NXPE2: variants seen among roughly 807,000 people sequenced by gnomAD.
The protein encoded by NXPE2 is NXPE family member 2.
In NXPE2, 34 loss-of-function variants were observed where a neutral mutation model predicts 34.4. The observed-to-expected ratio is 0.99, with a 90% confidence interval of 0.75 to 1.31. The LOEUF (loss-of-function observed/expected upper bound fraction) is 1.31, where lower values mean the gene tolerates loss of function less well. Ranked by LOEUF, NXPE2 falls within the 40% of genes most tolerant of loss-of-function variation. NXPE2 has a pLI of 0.00. For missense variants in NXPE2, 649 were observed against 672.5 expected (o/e 0.97, Z 0.39); for synonymous variants, 235 against 231.3 (o/e 1.02, Z -0.15).
At chr11:114,564,984 G>A in the NXPE2 span, among the ~76,000 whole-genome samples, 1 of 152,116 alleles carries the variant, frequency 6.6e-6, no homozygotes, top group Non-Finnish European at 1.5e-5. Context: ...ATTTTTCCAA[G>A]CATGCCAAGC....
At chr11:114,565,344 C>T in the NXPE2 span, among the ~76,000 whole-genome samples, 8 of 152,178 alleles carry the variant, frequency 5.3e-5, no homozygotes, top group African/African-American at 1.9e-4. Flanking sequence ...GTGGCTGTTA[C>T]ATTCCACTTA....
At chr11:114,617,530 G>C in the NXPE2 span, among the ~76,000 whole-genome samples, 2 of 151,750 alleles carry the variant, frequency 1.3e-5, no homozygotes, top group African/African-American at 4.8e-5. Flanking sequence ...GTGTTGCCTC[G>C]TGGCTAACCA....
the NXPE2 span, among the ~76,000 whole-genome samples, chr11:114,640,051 A>G: frequency 2.5e-5 from 3 of 118,680 alleles, no homozygotes; most frequent in Admixed American, 2.0e-4. Context: ...ATTTTATAAT[A>G]TATAATTTAT....
chr11:114,571,167 A>G, the NXPE2 span: 84 of 1,613,912 alleles, frequency 5.2e-5, no homozygotes, highest in Non-Finnish European at 6.4e-5. Context: ...GATGATAACC[A>G]TAGTGTCTGG....
At chr11:114,661,834 G>C in the NXPE2 span, among the ~76,000 whole-genome samples, 1 of 152,228 alleles carries the variant, frequency 6.6e-6, no homozygotes, top group Middle Eastern at 3.4e-3. Flanking sequence ...CACAGAGGTT[G>C]ACAGAAAAAA....
chr11:114,724,386 G>A, the NXPE2 span, among the ~76,000 whole-genome samples: 2 of 152,138 alleles, frequency 1.3e-5, no homozygotes, highest in African/African-American at 4.8e-5. Flanking sequence ...GCAACATATT[G>A]ATGTTGAAAC....
At chr11:114,669,012 G>A in the NXPE2 span, among the ~76,000 whole-genome samples, 1 of 152,054 alleles carries the variant, frequency 6.6e-6, no homozygotes, top group African/African-American at 2.4e-5. Flanking sequence ...GTAGCCATGA[G>A]GAATGGTAGC....
chr11:114,558,458 T>C, the NXPE2 span, among the ~76,000 whole-genome samples: 4 of 152,178 alleles, frequency 2.6e-5, no homozygotes, highest in African/African-American at 9.7e-5. Context: ...ATTTGTGATA[T>C]TTGCTTTTCT....
At chr11:114,683,799 G>C (rs184314429) in intron 2 of NXPE2, among the ~76,000 whole-genome samples, 1 of 152,278 alleles carries the variant, frequency 6.6e-6, no homozygotes. Flanking sequence ...ACTGTTCAGT[G>C]ATCTGGGTGA....
At chr11:114,762,511 T>C in the NXPE2 span, among the ~76,000 whole-genome samples, 1 of 152,220 alleles carries the variant, frequency 6.6e-6, no homozygotes, top group African/African-American at 2.4e-5. Flanking sequence ...AATGCTGCTA[T>C]CATAAACGAA....
At chr11:114,754,230 G>A in the NXPE2 span, among the ~76,000 whole-genome samples, 1 of 152,116 alleles carries the variant, frequency 6.6e-6, no homozygotes, top group East Asian at 1.9e-4. Context: ...GTTAGATGGA[G>A]GTAAAATTCA....
the NXPE2 span, among the ~76,000 whole-genome samples, chr11:114,587,745 C>A: frequency 6.6e-6 from 1 of 152,186 alleles, no homozygotes; most frequent in East Asian, 1.9e-4. Flanking sequence ...TAAAGGGACA[C>A]CTTTTTTCTT....
the NXPE2 span, chr11:114,582,957 A>G: frequency 1.3e-4 from 211 of 1,613,988 alleles, no homozygotes; most frequent in African/African-American, 2.7e-3. Flanking sequence ...TGTTTTAGGG[A>G]ATAAGGACTT....
At chr11:114,775,756 C>T in the NXPE2 span, among the ~76,000 whole-genome samples, 1 of 151,916 alleles carries the variant, frequency 6.6e-6, no homozygotes, top group South Asian at 2.1e-4. Flanking sequence ...GGTCATGGCC[C>T]TGACTTCTGG....
At chr11:114,725,846 C>A in the NXPE2 span, among the ~76,000 whole-genome samples, 1 of 151,612 alleles carries the variant, frequency 6.6e-6, no homozygotes, top group African/African-American at 2.4e-5. Flanking sequence ...TCCCCTGACA[C>A]AGACAACTGA....
At chr11:114,694,754 T>C (rs1457353938) in intron 2 of NXPE2, among the ~76,000 whole-genome samples, 2 of 152,126 alleles carry the variant, frequency 1.3e-5, no homozygotes, top group African/African-American at 4.8e-5. Context: ...TATTCTGATA[T>C]AGTGTTTTTT....
At chr11:114,554,401 C>G in the NXPE2 span, 1 of 984,770 alleles carries the variant, frequency 1.0e-6, no homozygotes, top group Admixed American at 6.2e-5. Flanking sequence ...TGACAATATT[C>G]CAGAACAGGG....
At chr11:114,788,902 C>T in the NXPE2 span, among the ~76,000 whole-genome samples, 1 of 152,168 alleles carries the variant, frequency 6.6e-6, no homozygotes, top group Non-Finnish European at 1.5e-5. Flanking sequence ...TATTTTTACA[C>T]CACTGGTTCC....
At chr11:114,474,469 T>C in the NXPE2 span, among the ~76,000 whole-genome samples, 1 of 152,140 alleles carries the variant, frequency 6.6e-6, no homozygotes, top group Non-Finnish European at 1.5e-5. Flanking sequence ...GAGGGTGGTG[T>C]TTAGAAGTCA....
Sources: gnomAD v4.1 joint callset for allele counts (sites outside exome capture counted in the v4.1 genomes callset) on GRCh38, gnomAD v4.1.1 for gene constraint, MANE v1.5 for transcripts, NCBI Gene and HGNC (gene_info 2026-07-23, HGNC 2026-07-21) for gene names.